SCAF11: variants seen among roughly 807,000 people sequenced by gnomAD.
The protein encoded by SCAF11 is protein SCAF11.
A neutral mutation model predicts 140.5 loss-of-function variants in SCAF11; 47 were observed. That is an observed-to-expected ratio of 0.33 (90% confidence interval 0.26 to 0.43). SCAF11 has a LOEUF of 0.43. Among genes scored for constraint, SCAF11 ranks in the 20% least tolerant of loss-of-function variants. The pLI is 1.00. For missense variants in SCAF11, 1,645 were observed against 1,705.1 expected (o/e 0.96, Z 0.62); for synonymous variants, 557 against 579.4 (o/e 0.96, Z 0.55).
chr12:45,981,054 G>A (rs889540067), intron 1 of SCAF11, among the ~76,000 whole-genome samples: 1 of 152,132 alleles, frequency 6.6e-6, no homozygotes, highest in African/African-American at 2.4e-5. Context: ...AGTATATATA[G>A]TTGGTTTTTG....
intron 1 of SCAF11, among the ~76,000 whole-genome samples, chr12:45,986,901 A>ATT (rs1946471595): frequency 1.3e-5 from 2 of 152,064 alleles, no homozygotes; most frequent in African/African-American, 2.4e-5. Context: ...GCCATGTGGA[A>ATT]CTGTAAGTCC....
intron 2 of SCAF11, among the ~76,000 whole-genome samples, chr12:45,963,051 T>C (rs1036444255): frequency 2.6e-5 from 4 of 152,130 alleles, no homozygotes; most frequent in Admixed American, 6.6e-5. Flanking sequence ...TACTTGTGAA[T>C]TGGAAGACAA....
Position 45,948,464 on chromosome 12 carries a change from C to CAG in SCAF11, c.369_370dup (p.Cys124SerfsTer10). Reference sequence around the variant, plus strand: ...TATACAGCTTTTAGAATTTTCATGACAGGAGACCTGTTTCTCAAATGAGTT... The same window carrying CAG: ...TATACAGCTTTTAGAATTTTCATGACAGAGGAGACCTGTTTCTCAAATGAGTT... On this transcript the variant is annotated frameshift_variant, in exon 5 of 15. Transcript: ENST00000369367. LOFTEE classifies it high-confidence loss of function. 1 of 1,611,244 alleles carries CAG rather than the reference C, an allele frequency of 6.2e-7. No homozygotes were observed. Among genetic ancestry groups the CAG allele is most frequent in the South Asian group, 1.1e-5 (1 of 90,760 alleles).
chr12:45,976,469 GATAGAC>G (rs1387535990), intron 1 of SCAF11, among the ~76,000 whole-genome samples: 1 of 152,076 alleles, frequency 6.6e-6, no homozygotes, highest in African/African-American at 2.4e-5. Flanking sequence ...GAAAAAACAT[GATAGAC>G]ATAGAGTTTG....
In SCAF11 at chr12:45,928,066, A is replaced by T; in HGVS notation, c.1635T>A (p.His545Gln). 15 of 1,613,926 alleles carry T rather than the reference A, an allele frequency of 9.3e-6. No individual in the cohort carries two copies. Among genetic ancestry groups the T allele is most frequent in the Non-Finnish European group, 1.3e-5 (15 of 1,180,010 alleles). ...SEVKTDVCTV[H>Q]LPNDFPTCLT... ...AACATGTAGGAAAATCATTTGGAAG[A>T]TGAACTGTACATACATCTGTCTTTA... The change falls in exon 11 of 15, where the codon CAT becomes CAA. Residue 545 changes from histidine (H) to glutamine (Q), a missense_variant. This residue lies in a region of SCAF11 where 1,582 missense variants were observed against 1,609.2 expected (regional missense o/e 0.98). Coordinates refer to ENST00000369367, the MANE Select transcript of SCAF11 (RefSeq NM_004719.3).
chr12:45,972,907 T>C (rs1470090802), intron 1 of SCAF11, among the ~76,000 whole-genome samples: 1 of 91,204 alleles, frequency 1.1e-5, no homozygotes, highest in Non-Finnish European at 2.3e-5. Flanking sequence ...TATATATATA[T>C]AGATATATAT....
chr12:45,926,653 A>T lies in SCAF11; in HGVS notation c.3048T>A (p.His1016Gln). ...DADDPNSADKHRNDCPNWITE... is the reference protein window; with the variant it reads ...DADDPNSADKQRNDCPNWITE... ...TTATCCAATTGGGACAGTCATTTCT[A>T]TGTTTGTCAGCAGAATTTGGATCAT... Residue 1016 changes from histidine to glutamine, a missense_variant, in exon 11 of 15, where the codon CAT becomes CAA. Coordinates refer to ENST00000369367, the MANE Select transcript of SCAF11 (RefSeq NM_004719.3). 1 of 1,613,836 alleles carries T rather than the reference A, an allele frequency of 6.2e-7. No homozygotes were observed. The highest frequency in any genetic ancestry group is 8.5e-7 in the Non-Finnish European group (1 of 1,179,996).
chr12:45,919,813 C>A lies in SCAF11; in HGVS notation c.*2235G>T, dbSNP rs1232078079. The A allele has an allele frequency of 6.6e-6, 1 of 151,160 alleles. No individual in the cohort carries two copies. The highest frequency in any genetic ancestry group is 1.5e-5 in the Non-Finnish European group (1 of 68,022). 9.4% of individuals were successfully genotyped at this position (151,160 alleles called of 1,614,324 possible). The stretch of plus-strand genomic sequence containing the variant: ...GATATATGAGACTTCAACTCTTGAC[C>A]ACATCACTTTTTCTCCAAAACTTTA... On this transcript the variant is annotated 3_prime_UTR_variant, in exon 15 of 15. Coordinates refer to ENST00000369367, the MANE Select transcript of SCAF11 (RefSeq NM_004719.3).
At chr12:45,951,817 TTA>T (rs1304255343) in intron 3 of SCAF11, 90 bp from the exon 4 acceptor site, 3 of 854,420 alleles carry the variant, frequency 3.5e-6, no homozygotes, top group Admixed American at 5.1e-5. Flanking sequence ...AAAATTATTT[TTA>T]TCTCTATCTT....
chr12:45,990,343 C>T lies in SCAF11; in HGVS notation c.-22+10G>A. On this transcript the variant is annotated intron_variant, in intron 1 of 14. Transcript: ENST00000369367. ...AAGCCCATCCACCCCGCGGGTCGAC[C>T]AGTGTTTACCTCAGACCGAGGTCGA... 8.1e-7 allele frequency: 1 copy of T among 1,232,008 alleles called. No homozygotes were observed. The allele number at this position is 1,232,008 out of a possible 1,614,324, so 76.3% of individuals were successfully genotyped here.
intron 1 of SCAF11, among the ~76,000 whole-genome samples, chr12:45,983,116 G>A (rs1340416105): frequency 5.3e-5 from 8 of 152,148 alleles, no homozygotes; most frequent in Non-Finnish European, 8.8e-5. Context: ...TAGGACTTAC[G>A]TTGTGTTTCC....
At chr12:45,959,709 CTT>C (rs1945779717) in intron 3 of SCAF11, among the ~76,000 whole-genome samples, 1 of 152,124 alleles carries the variant, frequency 6.6e-6, no homozygotes, top group South Asian at 2.1e-4. Context: ...AAACTGAAAA[CTT>C]AGTCTACATG....
At position 45,923,585 on chromosome 12, in the gene SCAF11, G is replaced by A. The variant is rs181307457; in HGVS notation, c.3907-431C>T. ...AAAAAGGCTTGCAGTAAGTTGACAGGAGAAAAAGATTAAGATCCCAAATAC... is the reference window on the plus strand; with the variant it reads ...AAAAAGGCTTGCAGTAAGTTGACAGAAGAAAAAGATTAAGATCCCAAATAC... On this transcript the variant is annotated intron_variant, in intron 12 of 14. Coordinates refer to ENST00000369367, the MANE Select transcript of SCAF11 (RefSeq NM_004719.3). 2.4e-3 allele frequency among the ~76,000 whole-genome samples: 370 copies of A among 152,144 alleles called. 1 individual carries two copies. Among genetic ancestry groups the A allele is most frequent in the Middle Eastern group, 6.8e-3 (2 of 294 alleles).
chr12:45,989,189 C>A (rs1016468893), intron 1 of SCAF11, among the ~76,000 whole-genome samples: 2 of 152,140 alleles, frequency 1.3e-5, no homozygotes, highest in Non-Finnish European at 2.9e-5. Context: ...ATGTACTGCC[C>A]TGATATTCTG....
intron 1 of SCAF11, among the ~76,000 whole-genome samples, chr12:45,980,026 T>C (rs1946315659): frequency 6.6e-6 from 1 of 152,196 alleles, no homozygotes; most frequent in Non-Finnish European, 1.5e-5. Context: ...TATTTTTGGC[T>C]ACTACTTTCT....
At chr12:45,975,506 A>C (rs770191433) in intron 1 of SCAF11, 5 of 181,718 alleles carry the variant, frequency 2.8e-5, no homozygotes, top group Non-Finnish European at 4.4e-5. Flanking sequence ...CTTTTATGTT[A>C]TGGAGATGGC....
chr12:45,968,474 T>C (rs985287729), intron 1 of SCAF11, among the ~76,000 whole-genome samples: 12 of 152,050 alleles, frequency 7.9e-5, no homozygotes, highest in Admixed American at 2.6e-4. Flanking sequence ...TGGGGAAGAA[T>C]GGTCTAAGTT....
In SCAF11 at chr12:45,931,440, T is replaced by A. The variant is rs188014765; in HGVS notation, c.841+66A>T. ...TTTTCTAAGTCATCAAACACACATTTTTATGAAACTGGAAGAAACTAATAA... is the reference window on the plus strand; with the variant it reads ...TTTTCTAAGTCATCAAACACACATTATTATGAAACTGGAAGAAACTAATAA... On this transcript the variant is annotated intron_variant, in intron 10 of 14. Transcript: ENST00000369367. 5.8e-5 allele frequency: 48 copies of A among 832,696 alleles called. No individual in the cohort carries two copies. The Admixed American group carries it at 1.3e-3, about 23-fold the overall frequency. 51.6% of individuals were successfully genotyped at this position (832,696 alleles called of 1,614,324 possible). A position where few individuals can be genotyped will look rare whatever the true frequency, so the allele number is the denominator to read the frequency against.
intron 10 of SCAF11, 168 bp from the exon 11 acceptor site, chr12:45,929,027 A>G (rs909788150): frequency 2.5e-6 from 1 of 396,326 alleles, no homozygotes; most frequent in Admixed American, 4.3e-5. Context: ...AATATGACTT[A>G]TTCATCAACT....
Sources: gnomAD v4.1 joint callset for allele counts (sites outside exome capture counted in the v4.1 genomes callset) on GRCh38, gnomAD v4.1.1 for gene constraint, gnomAD v4.1.1 regional missense constraint, MANE v1.5 for transcripts, NCBI Gene and HGNC (gene_info 2026-07-23, HGNC 2026-07-21) for gene names.